BCO2: variants seen among roughly 807,000 people sequenced by gnomAD.
BCO2 encodes the protein carotenoid-cleaving dioxygenase, mitochondrial.
In BCO2, 56 loss-of-function variants were observed where a neutral mutation model predicts 65.8. That is an observed-to-expected ratio of 0.85 (90% CI 0.69 to 1.06). The LOEUF is 1.06. BCO2 is among the 50% of genes least tolerant of loss of function. BCO2 has a pLI of 0.00. For missense variants in BCO2, 675 were observed against 698.5 expected (o/e 0.97, Z 0.38); for synonymous variants, 233 against 242.3 (o/e 0.96, Z 0.36).
chr11:112,178,647 TCTTGTGC>T (rs1306716129), intron 1 of BCO2, among the ~76,000 whole-genome samples: 1 of 152,258 alleles, frequency 6.6e-6, no homozygotes, highest in Non-Finnish European at 1.5e-5. Context: ...GATTTTTACT[TCTTGTGC>T]CTTTTGCACT....
At chr11:112,215,735 A>AC (rs1262357602) in intron 10 of BCO2, 1 of 31,528 alleles carries the variant, frequency 3.2e-5, no homozygotes, top group African/African-American at 5.6e-5. Flanking sequence ...AAAACAAAAA[A>AC]ACAAAAAAAA....
At chr11:112,190,362 A>G (rs1464103941) in intron 2 of BCO2, among the ~76,000 whole-genome samples, 2 of 152,214 alleles carry the variant, frequency 1.3e-5, no homozygotes, top group Non-Finnish European at 2.9e-5. Flanking sequence ...TCAATACCAC[A>G]TTAAAAAATA....
chr11:112,202,217 A>G, intron 8 of BCO2, 27 bp downstream of exon 8: 2 of 1,581,110 alleles, frequency 1.3e-6, no homozygotes, highest in Non-Finnish European at 1.7e-6. Context: ...GTCAAGAGTC[A>G]TCAAAATAAT....
intron 8 of BCO2, among the ~76,000 whole-genome samples, chr11:112,205,284 G>C (rs1592858826): frequency 6.6e-6 from 1 of 152,088 alleles, no homozygotes; most frequent in African/African-American, 2.4e-5. Flanking sequence ...ATGTACTAGA[G>C]TTCCCTTTCT....
intron 11 of BCO2, 107 bp from the exon 12 acceptor site, chr11:112,217,654 C>A: frequency 1.4e-6 from 1 of 736,952 alleles, no homozygotes; most frequent in Non-Finnish European, 2.3e-6. Flanking sequence ...AGCCACTGTG[C>A]CTGACCAACA....
chr11:112,177,909 CTTTTTTTT>C (rs11460820), intron 1 of BCO2, among the ~76,000 whole-genome samples: 1 of 135,394 alleles, frequency 7.4e-6, no homozygotes, highest in East Asian at 2.2e-4. Context: ...ATGGAATTTG[CTTTTTTTT>C]TTTTTTTTGA....
chr11:112,179,202 AT>A, intron 1 of BCO2, 75 bp from the exon 2 acceptor site: 1 of 1,373,866 alleles, frequency 7.3e-7, no homozygotes. Flanking sequence ...TGATAAGATT[AT>A]TGTCTGTGGG....
chr11:112,217,940 G>C lies in BCO2; in HGVS notation c.*66G>C. 8.3e-7 allele frequency: 1 copy of C among 1,200,450 alleles called. No individual in the cohort carries two copies. The allele number at this position is 1,200,450 out of a possible 1,614,324, so 74.4% of individuals were successfully genotyped here. A position where few individuals can be genotyped will look rare whatever the true frequency, so the allele number is the denominator to read the frequency against. ...TGTGCACTTGGACATAAAGACTGGA[G>C]AAATAAACACTGAGGACTCCAAAAG... is the stretch of plus-strand genomic sequence containing the variant. On this transcript the variant is annotated 3_prime_UTR_variant, in exon 12 of 12. Coordinates refer to ENST00000357685, the MANE Select transcript of BCO2 (RefSeq NM_031938.7).
intron 10 of BCO2, 28 bp downstream of exon 10, chr11:112,214,972 C>G: frequency 6.2e-7 from 1 of 1,602,836 alleles, no homozygotes; most frequent in Non-Finnish European, 8.5e-7. Flanking sequence ...CCTTTTTGAA[C>G]TTTTCAGAGA....
At chr11:112,190,893 T>G (rs1867367020) in intron 2 of BCO2, among the ~76,000 whole-genome samples, 1 of 149,764 alleles carries the variant, frequency 6.7e-6, no homozygotes, top group Non-Finnish European at 1.5e-5. Context: ...AAATAGGATT[T>G]GTAGGATTTG....
At chr11:112,203,317 A>C (rs998691997) in intron 8 of BCO2, among the ~76,000 whole-genome samples, 1 of 152,186 alleles carries the variant, frequency 6.6e-6, no homozygotes, top group Non-Finnish European at 1.5e-5. Flanking sequence ...CTTATGCCTT[A>C]CTAAGCTTAC....
chr11:112,176,844 A>G lies in BCO2; in HGVS notation c.88+1155A>G, dbSNP rs190631658. On this transcript the variant is annotated intron_variant, in intron 1 of 11. Transcript: ENST00000357685. ...GTAACTTGCCCAAGGTTGTCAGCTAATAAGTAATAAAACTAGCAGAATGCA... is the reference window on the plus strand; with the variant it reads ...GTAACTTGCCCAAGGTTGTCAGCTAGTAAGTAATAAAACTAGCAGAATGCA... Among the ~76,000 whole-genome samples, 175 of 152,326 alleles carry G rather than the reference A, an allele frequency of 1.1e-3. 1 individual carries two copies. The highest frequency in any genetic ancestry group is 4.0e-3 in the African/African-American group (167 of 41,568).
At chr11:112,175,736 G>C (rs1241981829) in intron 1 of BCO2, 47 bp downstream of exon 1, 1 of 1,509,976 alleles carries the variant, frequency 6.6e-7, no homozygotes, top group South Asian at 1.1e-5. Context: ...CTTCTTGCCA[G>C]TCTGCGCTTA....
chr11:112,182,397 C>T (rs986735206), intron 2 of BCO2, among the ~76,000 whole-genome samples: 7 of 152,180 alleles, frequency 4.6e-5, no homozygotes, highest in African/African-American at 1.4e-4. Context: ...AAGACACATG[C>T]ACACCTATGT....
rs1351356449 is a variant in BCO2 at position 112,175,616 on chromosome 11, CTT to C, written c.17_18del (p.Phe6SerfsTer72). 1 of 1,613,648 alleles carries C rather than the reference CTT, an allele frequency of 6.2e-7. No homozygotes were observed. Among genetic ancestry groups the C allele is most frequent in the Admixed American group, 1.7e-5 (1 of 60,006 alleles). Reference sequence around the variant, plus strand: ...TCAATACAAAAATGTTTTTTCGAGTCTTTCTCCATTTTATCAGGAGTCATTCT... The same window carrying C: ...TCAATACAAAAATGTTTTTTCGAGTCTCTCCATTTTATCAGGAGTCATTCT... MFFRV[F>X]LHFIRSHSAT... is the part of the protein sequence containing the mutation. On this transcript the variant is annotated frameshift_variant, in exon 1 of 12. Coordinates refer to ENST00000357685, the MANE Select transcript of BCO2 (RefSeq NM_031938.7). LOFTEE classifies it high-confidence loss of function.
At chr11:112,176,105 T>A (rs1289363026) in intron 1 of BCO2, 1 of 158,656 alleles carries the variant, frequency 6.3e-6, no homozygotes, top group Non-Finnish European at 1.4e-5. Context: ...CTATTATAGT[T>A]ACCATTGTTA....
chr11:112,180,120 A>G (rs1866993805), intron 2 of BCO2, among the ~76,000 whole-genome samples: 1 of 152,176 alleles, frequency 6.6e-6, no homozygotes, highest in African/African-American at 2.4e-5. Context: ...TAACCTACAT[A>G]TATCCTCCCA....
At position 112,190,836 on chromosome 11, in the gene BCO2, G is replaced by A. The variant is rs1169250041; in HGVS notation, c.294-2638G>A. 1.1e-4 allele frequency among the ~76,000 whole-genome samples: 15 copies of A among 136,100 alleles called. 1 individual carries two copies. The highest frequency in any genetic ancestry group is 9.2e-4 in the South Asian group (4 of 4,352). 89.3% of individuals were successfully genotyped at this position (136,100 alleles called of 152,430 possible). On this transcript the variant is annotated intron_variant, in intron 2 of 11. Transcript: ENST00000357685. ...GTGCCACTGCACTCCAGCCTGGGGC[G>A]ACAGAGTGAGACTCTGTCTCAAAAA...
chr11:112,198,332 TGAA>T (rs1867636489), intron 5 of BCO2, among the ~76,000 whole-genome samples: 1 of 151,774 alleles, frequency 6.6e-6, no homozygotes, highest in South Asian at 2.1e-4. Context: ...CTAAAAAAAA[TGAA>T]GAAGAAGCCA....
Sources: allele counts gnomAD v4.1 joint callset (sites outside exome capture counted in the v4.1 genomes callset), GRCh38; gene constraint gnomAD v4.1.1; transcripts MANE v1.5; gene names NCBI Gene and HGNC (gene_info 2026-07-23, HGNC 2026-07-21).